The following MYO9A variants were observed in gnomAD, a reference collection of about 807,000 sequenced individuals.
MYO9A encodes the protein unconventional myosin-IXa.
Under a neutral mutation model 293.3 loss-of-function variants are expected in MYO9A, and 103 were observed. The observed-to-expected ratio is 0.35, with a 90% CI of 0.30 to 0.41. MYO9A has a LOEUF of 0.41. MYO9A is among the 10% of genes least tolerant of loss of function. The pLI is 1.00. For missense variants in MYO9A, 2,685 were observed against 3,033.0 expected, an observed-to-expected ratio of 0.89 and a Z score of 2.69; for synonymous variants, 1,001 against 1,035.7, an observed-to-expected ratio of 0.97 and a Z score of 0.64.
intron 7 of MYO9A, among the ~76,000 whole-genome samples, chr15:72,008,171 T>C (rs1596367921): frequency 6.6e-6 from 1 of 152,334 alleles, no homozygotes; most frequent in African/African-American, 2.4e-5. Context: ...CCACTTCTTA[T>C]ATAGTCATTT....
In MYO9A at chr15:72,030,489, A is replaced by G. The variant is rs1415404338; in HGVS notation, c.935+2005T>C. 2.0e-5 allele frequency among the ~76,000 whole-genome samples: 3 copies of G among 152,068 alleles called. No individual in the cohort carries two copies. In the East Asian group the frequency reaches 5.8e-4, roughly 29 times the overall value. On this transcript the variant is annotated intron_variant, in intron 3 of 41. Coordinates refer to ENST00000356056, the MANE Select transcript of MYO9A (RefSeq NM_006901.4). Reference sequence around the variant, plus strand: ...ATATATATCCCATTCTACATAATACATATCTATATACTATATCTATATCTA... The same window carrying G: ...ATATATATCCCATTCTACATAATACGTATCTATATACTATATCTATATCTA...
At chr15:72,081,305 C>T (rs575968228) in intron 1 of MYO9A, among the ~76,000 whole-genome samples, 55 of 152,278 alleles carry the variant, frequency 3.6e-4, no homozygotes, top group African/African-American at 1.3e-3. Context: ...TCACATTTCT[C>T]TAATTATCAG....
intron 32 of MYO9A, among the ~76,000 whole-genome samples, chr15:71,867,849 C>CAG (rs2056387308): frequency 7.3e-6 from 1 of 137,496 alleles, no homozygotes; most frequent in Admixed American, 7.6e-5. Flanking sequence ...CACACACACA[C>CAG]GGTTATTCAT....
intron 1 of MYO9A, among the ~76,000 whole-genome samples, chr15:72,089,806 C>G (rs370119867): frequency 2.6e-5 from 4 of 152,252 alleles, no homozygotes; most frequent in African/African-American, 9.6e-5. Context: ...AAAACACCAA[C>G]TTATCAACAG....
At chr15:71,873,241 C>G (rs1407330989) in intron 32 of MYO9A, among the ~76,000 whole-genome samples, 4 of 152,114 alleles carry the variant, frequency 2.6e-5, no homozygotes, top group Non-Finnish European at 5.9e-5. Flanking sequence ...TTTTACTTAA[C>G]AAAACATCTT....
intron 31 of MYO9A, among the ~76,000 whole-genome samples, 163 bp downstream of exon 31, chr15:71,877,877 T>G (rs1426734094): frequency 6.6e-6 from 1 of 152,212 alleles, no homozygotes; most frequent in African/African-American, 2.4e-5. Context: ...TAAGACAGAA[T>G]GAAGTTTGGA....
intron 10 of MYO9A, among the ~76,000 whole-genome samples, chr15:71,993,041 C>T (rs1043809522): frequency 2.0e-5 from 3 of 151,816 alleles, no homozygotes; most frequent in Admixed American, 6.6e-5. Flanking sequence ...CACAAATATC[C>T]ACAATAAATG....
intron 12 of MYO9A, among the ~76,000 whole-genome samples, chr15:71,973,934 A>T (rs2076075446): frequency 6.6e-6 from 1 of 152,190 alleles, no homozygotes; most frequent in East Asian, 1.9e-4. Context: ...TCCAATGGCT[A>T]TGTGGCAGTT....
chr15:71,834,697 T>G (rs1342891306), intron 39 of MYO9A, among the ~76,000 whole-genome samples: 1 of 151,768 alleles, frequency 6.6e-6, no homozygotes, highest in Non-Finnish European at 1.5e-5. Flanking sequence ...GCCCAGGAGG[T>G]TGAGGCTGCA....
intron 1 of MYO9A, among the ~76,000 whole-genome samples, chr15:72,093,188 A>T (rs137998175): frequency 1.4e-3 from 219 of 152,298 alleles, no homozygotes; most frequent in African/African-American, 4.6e-3. Flanking sequence ...AGCAACAAAC[A>T]AGCTTGAAAG....
intron 11 of MYO9A, among the ~76,000 whole-genome samples, chr15:71,983,330 AAAT>A (rs1297644903): frequency 6.6e-6 from 1 of 151,934 alleles, no homozygotes; most frequent in Non-Finnish European, 1.5e-5. Flanking sequence ...TCACTAACAG[AAAT>A]AATATCTCTG....
intron 39 of MYO9A, among the ~76,000 whole-genome samples, chr15:71,831,274 A>C (rs2054715504): frequency 2.0e-5 from 3 of 152,220 alleles, no homozygotes; most frequent in African/African-American, 7.2e-5. Context: ...TTGTAAATAC[A>C]GGTTCACTGG....
At chr15:71,895,008 A>G (rs1398079991) in intron 25 of MYO9A, among the ~76,000 whole-genome samples, 1 of 152,186 alleles carries the variant, frequency 6.6e-6, no homozygotes, top group Non-Finnish European at 1.5e-5. Context: ...CTTTCATTTA[A>G]TTTTTATAAA....
intron 1 of MYO9A, among the ~76,000 whole-genome samples, chr15:72,109,388 T>TAA (rs781514196): frequency 2.4e-5 from 3 of 124,890 alleles, no homozygotes. Flanking sequence ...AGGCTCTGTC[T>TAA]AAAAAAAAAA....
At chr15:71,960,413 T>G in intron 13 of MYO9A, 1 of 266,388 alleles carries the variant, frequency 3.8e-6, no homozygotes. Flanking sequence ...GTGCTTCCAC[T>G]TTGCCTTCCA....
At chr15:71,893,293 C>G (rs1349614624) in intron 26 of MYO9A, 1 of 780,548 alleles carries the variant, frequency 1.3e-6, no homozygotes, top group African/African-American at 1.8e-5. Flanking sequence ...AATATCCCTC[C>G]ACCCAACCAT....
chr15:72,067,107 TTA>T (rs1215454841), intron 1 of MYO9A, among the ~76,000 whole-genome samples: 3 of 147,338 alleles, frequency 2.0e-5, no homozygotes, highest in Non-Finnish European at 4.5e-5. Context: ...TAATATAATC[TTA>T]TATGATATAA....
chr15:71,905,901 T>C (rs542780626), intron 19 of MYO9A, among the ~76,000 whole-genome samples: 5 of 152,166 alleles, frequency 3.3e-5, no homozygotes, highest in African/African-American at 1.2e-4. Context: ...TCTGCTTGTA[T>C]TGGGTTTCAT....
chr15:71,980,412 C>T (rs1332827464), intron 11 of MYO9A, among the ~76,000 whole-genome samples: 3 of 152,234 alleles, frequency 2.0e-5, no homozygotes, highest in East Asian at 1.9e-4. Context: ...TTAGTCATTT[C>T]GGTGAATGCC....
Sources: gnomAD v4.1 joint callset for allele counts (sites outside exome capture counted in the v4.1 genomes callset) on GRCh38, gnomAD v4.1.1 for gene constraint, MANE v1.5 for transcripts, NCBI Gene and HGNC (gene_info 2026-07-23, HGNC 2026-07-21) for gene names.